The following DNAJC10 variants were observed in gnomAD, a reference collection of about 807,000 sequenced individuals.
The protein encoded by DNAJC10 is DnaJ heat shock protein family (Hsp40) member C10.
DNAJC10 carries 101 observed loss-of-function variants against 115.0 expected under a neutral mutation model. The observed-to-expected ratio is 0.88, with a 90% CI of 0.75 to 1.04. DNAJC10 has a LOEUF of 1.04. Among genes scored for constraint, DNAJC10 ranks in the 50% least tolerant of loss-of-function variants. DNAJC10 has a pLI of 0.00. For synonymous variants in DNAJC10, 307 were observed against 301.5 expected (o/e 1.02, Z -0.19); for missense variants, 981 against 928.8 (o/e 1.06, Z -0.73).
rs1175258623 is a variant in DNAJC10 at position 182,780,260 on chromosome 2, G to C, written c.*3128G>C. On this transcript the variant is annotated 3_prime_UTR_variant, in exon 24 of 24. Coordinates refer to ENST00000264065, the MANE Select transcript of DNAJC10 (RefSeq NM_018981.4). The stretch of plus-strand genomic sequence containing the variant: ...GCCTGGTGGGAGGTGTTTGGGTGAT[G>C]GGGGCTGATCCCTCATAAATGGCTT... The C allele has an allele frequency of 1.3e-5, 2 of 152,102 alleles. No homozygotes were observed. The highest frequency in any genetic ancestry group is 2.9e-5 in the Non-Finnish European group (2 of 68,030). The allele number at this position is 152,102 out of a possible 1,614,324, so 9.4% of individuals were successfully genotyped here. A position where few individuals can be genotyped will look rare whatever the true frequency, so the allele number is the denominator to read the frequency against.
At chr2:182,775,554 A>G (rs1694684819) in intron 23 of DNAJC10, 134 bp downstream of exon 23, 1 of 578,360 alleles carries the variant, frequency 1.7e-6, no homozygotes, top group Non-Finnish European at 3.1e-6. Flanking sequence ...TGAAAATTCT[A>G]CTTTGGGAAA....
rs995929625 is a variant in DNAJC10, at chr2:182,794,385, A to C, written c.*17253A>C. On this transcript the variant is annotated 3_prime_UTR_variant, in exon 24 of 24. Transcript: ENST00000264065. Reference sequence around the variant, plus strand: ...AGTAAGAAATGTCATTCTAGATTTGATTCTACTGTTTGTCTTTGCAGTGAG... The same window carrying C: ...AGTAAGAAATGTCATTCTAGATTTGCTTCTACTGTTTGTCTTTGCAGTGAG... 1 of 152,192 alleles carries C rather than the reference A, an allele frequency of 6.6e-6. No homozygotes were observed. The highest frequency in any genetic ancestry group is 1.5e-5 in the Non-Finnish European group (1 of 68,040). The allele number at this position is 152,192 out of a possible 1,614,324, so 9.4% of individuals were successfully genotyped here.
intron 14 of DNAJC10, among the ~76,000 whole-genome samples, 194 bp downstream of exon 14, chr2:182,743,906 C>T (rs966812062): frequency 4.6e-5 from 7 of 152,002 alleles, no homozygotes; most frequent in African/African-American, 1.7e-4. Context: ...ACATGAATGC[C>T]TTTTCTCTAT....
At chr2:182,736,962 C>G (rs1462528045) in intron 11 of DNAJC10, among the ~76,000 whole-genome samples, 1 of 152,150 alleles carries the variant, frequency 6.6e-6, no homozygotes, top group Admixed American at 6.6e-5. Context: ...GTTGGCCAGG[C>G]TGGTCTTGAA....
intron 22 of DNAJC10, among the ~76,000 whole-genome samples, chr2:182,766,022 G>A (rs1694402550): frequency 6.6e-6 from 1 of 152,204 alleles, no homozygotes; most frequent in Non-Finnish European, 1.5e-5. Flanking sequence ...CGTTTAAAGG[G>A]TGGATACTGA....
At chr2:182,774,732 C>A (rs537338590) in intron 22 of DNAJC10, among the ~76,000 whole-genome samples, 1 of 152,310 alleles carries the variant, frequency 6.6e-6, no homozygotes, top group South Asian at 2.1e-4. Flanking sequence ...CGAGAGTGTC[C>A]CGTTTTTTCA....
At chr2:182,756,944 A>G (rs1694172592) in intron 18 of DNAJC10, among the ~76,000 whole-genome samples, 1 of 152,176 alleles carries the variant, frequency 6.6e-6, no homozygotes, top group Admixed American at 6.6e-5. Flanking sequence ...CAGTATATCC[A>G]GTACTTTTGA....
At chr2:182,751,580 A>C in intron 14 of DNAJC10, 78 bp from the exon 15 acceptor site, 2 of 1,452,526 alleles carry the variant, frequency 1.4e-6, no homozygotes, top group South Asian at 2.5e-5. Context: ...TAGTATTCTG[A>C]GTATTAAAAC....
intron 6 of DNAJC10, 51 bp downstream of exon 6, chr2:182,728,709 A>G (rs1296301033): frequency 6.6e-7 from 1 of 1,513,996 alleles, no homozygotes; most frequent in Non-Finnish European, 9.0e-7. Context: ...ATTGATCTGC[A>G]ATTTATATGT....
chr2:182,772,390 CATTG>C (rs1036197278), intron 22 of DNAJC10, among the ~76,000 whole-genome samples: 1 of 151,956 alleles, frequency 6.6e-6, no homozygotes, highest in Non-Finnish European at 1.5e-5. Flanking sequence ...CCTTGTGTCT[CATTG>C]ATCTAATATT....
chr2:182,716,726 C>A (rs544337674), intron 1 of DNAJC10, among the ~76,000 whole-genome samples: 1 of 152,358 alleles, frequency 6.6e-6, no homozygotes, highest in African/African-American at 2.4e-5. Flanking sequence ...ACTTCAGACA[C>A]CAGCAACACT....
Position 182,785,055 on chromosome 2 carries a change from G to C in DNAJC10, c.*7923G>C, listed in dbSNP as rs1347421921. 6.6e-6 allele frequency: 1 copy of C among 152,136 alleles called. No individual in the cohort carries two copies. The highest frequency in any genetic ancestry group is 1.9e-4 in the East Asian group (1 of 5,192). 9.4% of individuals were successfully genotyped at this position (152,136 alleles called of 1,614,324 possible). On this transcript the variant is annotated 3_prime_UTR_variant, in exon 24 of 24. Coordinates refer to ENST00000264065, the MANE Select transcript of DNAJC10 (RefSeq NM_018981.4). The stretch of plus-strand genomic sequence containing the variant: ...ATGAGAAATTGCAGAAAAGTTAAAA[G>C]TATTTCGCATCCAAAAGTTTGTAAT...
Position 182,755,052 on chromosome 2 carries a change from T to G in DNAJC10, c.1601T>G (p.Ile534Ser), listed in dbSNP as rs1403989336. 1.2e-6 allele frequency: 2 copies of G among 1,610,456 alleles called. No individual in the cohort carries two copies. Among genetic ancestry groups the G allele is most frequent in the Non-Finnish European group, 8.5e-7 (1 of 1,176,832 alleles). ...ACAGTGGTATTCAACCAGTCCAACA[T>G]TCATGAGTATGAAGGACATCACTCT... ...PTTVVFNQSNIHEYEGHHSAE... is the reference protein window; with the variant it reads ...PTTVVFNQSNSHEYEGHHSAE... Residue 534 changes from isoleucine to serine, a missense_variant, in exon 17 of 24, where the codon ATT (isoleucine) becomes AGT (serine). Ile to Ser is a moderately radical substitution (Grantham distance 142). Transcript: ENST00000264065.
intron 16 of DNAJC10, 144 bp from the exon 17 acceptor site, chr2:182,754,859 G>A: frequency 1.5e-6 from 2 of 1,354,192 alleles, no homozygotes; most frequent in Non-Finnish European, 2.0e-6. Context: ...GCTAAATTTG[G>A]TGAGACTAAA....
Position 182,743,666 on chromosome 2 carries a change from A to G in DNAJC10, c.1260A>G (p.Leu420=). 1 of 1,613,674 alleles carries G rather than the reference A, an allele frequency of 6.2e-7. No individual in the cohort carries two copies. Among genetic ancestry groups the G allele is most frequent in the Non-Finnish European group, 8.5e-7 (1 of 1,179,720 alleles). The change falls in exon 14 of 24, where the codon CTA becomes CTG. Residue 420 remains leucine, a synonymous_variant. Coordinates refer to ENST00000264065, the MANE Select transcript of DNAJC10 (RefSeq NM_018981.4). The stretch of plus-strand genomic sequence containing the variant: ...ATCTGTATGTTTTTCAGCCGTCTCT[A>G]GCAGTATTTAAAGGACAAGGAACCA... ...CSNLYVFQPS[L]AVFKGQGTKE... is the part of the protein sequence containing the mutation.
rs1694053026 is a variant in DNAJC10, at chr2:182,752,676, A to G, written c.1551+488A>G. On this transcript the variant is annotated intron_variant, in intron 16 of 23. Coordinates refer to ENST00000264065, the MANE Select transcript of DNAJC10 (RefSeq NM_018981.4). ...AGAACTAAAAATTATATACCGTAGA[A>G]TGAAAGTACGTAATATCACGTATAA... 9 of 498,868 alleles carry G rather than the reference A, an allele frequency of 1.8e-5. No individual in the cohort carries two copies. The Admixed American group carries it at 3.9e-4, about 21-fold the overall frequency. 30.9% of individuals were successfully genotyped at this position (498,868 alleles called of 1,614,324 possible).
chr2:182,750,542 A>G (rs1395071407), intron 14 of DNAJC10, among the ~76,000 whole-genome samples: 1 of 152,150 alleles, frequency 6.6e-6, no homozygotes, highest in African/African-American at 2.4e-5. Context: ...TCAACGACAG[A>G]GACGTCTTCT....
chr2:182,731,311 A>G (rs1020970238), intron 9 of DNAJC10, among the ~76,000 whole-genome samples: 5 of 152,068 alleles, frequency 3.3e-5, no homozygotes, highest in Admixed American at 1.3e-4. Context: ...TGTATCCTCT[A>G]TGTTTTTATG....
intron 19 of DNAJC10, 120 bp from the exon 20 acceptor site, chr2:182,758,717 A>G: frequency 1.4e-6 from 1 of 703,340 alleles, no homozygotes; most frequent in South Asian, 1.8e-5. Context: ...TTGAGAAGAG[A>G]GATACCAGAT....
Sources: allele counts gnomAD v4.1 joint callset (sites outside exome capture counted in the v4.1 genomes callset), GRCh38; gene constraint gnomAD v4.1.1; transcripts MANE v1.5; gene names NCBI Gene and HGNC (gene_info 2026-07-23, HGNC 2026-07-21).